RPS26: variants seen among roughly 807,000 people sequenced by gnomAD.
RPS26 encodes small ribosomal subunit protein eS26.
A neutral mutation model predicts 14.7 loss-of-function variants in RPS26; 1 was observed. The observed-to-expected ratio is 0.07, with a 90% CI of 0.02 to 0.32. The LOEUF (loss-of-function observed/expected upper bound fraction) is 0.32, where lower values mean the gene tolerates loss of function less well. RPS26 is among the 10% of genes least tolerant of loss of function. RPS26 has a pLI of 1.00. For missense variants in RPS26, 63 were observed against 157.7 expected (o/e 0.40, Z 3.22); for synonymous variants, 59 against 53.1 (o/e 1.11, Z -0.48).
chr12:56,042,266 T>G, intron 1 of RPS26, 97 bp downstream of exon 1: 1 of 1,551,966 alleles, frequency 6.4e-7, no homozygotes, highest in South Asian at 1.1e-5. Context: ...GTGGACCGAG[T>G]GTACATTTCA....
At position 56,044,413 on chromosome 12, in the gene RPS26, A is replaced by C; in HGVS notation, c.*259A>C. 1 of 415,430 alleles carries C rather than the reference A, an allele frequency of 2.4e-6. No individual in the cohort carries two copies. The highest frequency in any genetic ancestry group is 4.1e-6 in the Non-Finnish European group (1 of 241,774). 25.7% of individuals were successfully genotyped at this position (415,430 alleles called of 1,614,324 possible). Reference sequence around the variant, plus strand: ...AGCTGAATTGCAGTGGCGTGATCTCAGCTCACTGCAACCTCCGTCTCCCGG... The same window carrying C: ...AGCTGAATTGCAGTGGCGTGATCTCCGCTCACTGCAACCTCCGTCTCCCGG... On this transcript the variant is annotated 3_prime_UTR_variant, in exon 4 of 4. Coordinates refer to ENST00000646449, the MANE Select transcript of RPS26 (RefSeq NM_001029.5).
At chr12:56,042,714 G>T in intron 2 of RPS26, 112 bp downstream of exon 2, 1 of 873,326 alleles carries the variant, frequency 1.1e-6, no homozygotes, top group East Asian at 2.4e-5. Flanking sequence ...CAATTTCCAC[G>T]TATTTAAGGT....
chr12:56,043,248 C>T (rs1895914421), intron 2 of RPS26, 115 bp from the exon 3 acceptor site: 1 of 1,027,232 alleles, frequency 9.7e-7, no homozygotes, highest in Non-Finnish European at 1.5e-6. Flanking sequence ...GCCCGACAGG[C>T]ATTTAAATAG....
intron 3 of RPS26, among the ~76,000 whole-genome samples, chr12:56,043,774 T>TG (rs1259467832): frequency 6.6e-6 from 1 of 151,680 alleles, no homozygotes; most frequent in Non-Finnish European, 1.5e-5. Flanking sequence ...TTATACCACT[T>TG]GCGCTCCAGC....
In RPS26 at chr12:56,042,143, C is replaced by G. The variant is rs372979323; in HGVS notation, c.-24C>G. Reference sequence around the variant, plus strand: ...GGAGGGCCCTGCCAGGCACCGTCTCCTCTCTCCGGTCCGTGCCTCCAAGAT... The same window carrying G: ...GGAGGGCCCTGCCAGGCACCGTCTCGTCTCTCCGGTCCGTGCCTCCAAGAT... On this transcript the variant is annotated 5_prime_UTR_variant, in exon 1 of 4. Transcript: ENST00000646449. 6.2e-7 allele frequency: 1 copy of G among 1,613,950 alleles called. No homozygotes were observed. The highest frequency in any genetic ancestry group is 8.5e-7 in the Non-Finnish European group (1 of 1,179,856).
Position 56,044,292 on chromosome 12 carries a change from A to G in RPS26, c.*138A>G, listed in dbSNP as rs1441740070. ...TGTGTGTTAGACCAAGTGTGAAGTG[A>G]CACACATTATTTTCATGGGGAAGAA... is the stretch of plus-strand genomic sequence containing the variant. On this transcript the variant is annotated 3_prime_UTR_variant, in exon 4 of 4. Coordinates refer to ENST00000646449, the MANE Select transcript of RPS26 (RefSeq NM_001029.5). 4.5e-6 allele frequency: 3 copies of G among 671,784 alleles called. No individual in the cohort carries two copies. Among genetic ancestry groups the G allele is most frequent in the East Asian group, 2.7e-5 (1 of 37,284 alleles). The allele number at this position is 671,784 out of a possible 1,614,324, so 41.6% of individuals were successfully genotyped here. A position where few individuals can be genotyped will look rare whatever the true frequency, so the allele number is the denominator to read the frequency against.
chr12:56,042,695 C>A, intron 2 of RPS26, 93 bp downstream of exon 2: 1 of 992,194 alleles, frequency 1.0e-6, no homozygotes, highest in Non-Finnish European at 1.6e-6. Flanking sequence ...TTCTTTGGAG[C>A]CTCTCAGGCA....
At chr12:56,042,990 T>A (rs1895910615) in intron 2 of RPS26, 8 of 404,718 alleles carry the variant, frequency 2.0e-5, no homozygotes, top group Non-Finnish European at 3.2e-5. Flanking sequence ...AAGGATGATG[T>A]TTGGAGCAAT....
Position 56,042,185 on chromosome 12 carries a change from TG to T in RPS26, c.3+18del. 1.2e-6 allele frequency: 2 copies of T among 1,613,770 alleles called. No individual in the cohort carries two copies. The highest frequency in any genetic ancestry group is 1.7e-6 in the Non-Finnish European group (2 of 1,179,906). On this transcript the variant is annotated intron_variant, in intron 1 of 3. Transcript: ENST00000646449. ...CTCCAAGATGGTGAGTCTTCTTGCG[TG>T]GTGAGGGTGGGGGTTCGGGTGCAGA...
intron 2 of RPS26, 110 bp from the exon 3 acceptor site, chr12:56,043,253 A>T: frequency 1.8e-6 from 2 of 1,099,422 alleles, no homozygotes; most frequent in Non-Finnish European, 2.8e-6. Context: ...ACAGGCATTT[A>T]AATAGGTTTA....
In RPS26 at chr12:56,042,122, G is replaced by A. The variant is rs1895891420; in HGVS notation, c.-45G>A. 1.2e-6 allele frequency: 2 copies of A among 1,609,724 alleles called. No homozygotes were observed. Among genetic ancestry groups the A allele is most frequent in the Non-Finnish European group, 1.7e-6 (2 of 1,175,994 alleles). On this transcript the variant is annotated 5_prime_UTR_variant, in exon 1 of 4. Coordinates refer to ENST00000646449, the MANE Select transcript of RPS26 (RefSeq NM_001029.5). ...GTAGGGATCTCATGCTATATAGGAG[G>A]GCCCTGCCAGGCACCGTCTCCTCTC... is the stretch of plus-strand genomic sequence containing the variant.
In RPS26 at chr12:56,044,432, C is replaced by T; in HGVS notation, c.*278C>T. 2.7e-6 allele frequency: 1 copy of T among 372,768 alleles called. No individual in the cohort carries two copies. Among genetic ancestry groups the T allele is most frequent in the South Asian group, 3.0e-5 (1 of 33,182 alleles). 23.1% of individuals were successfully genotyped at this position (372,768 alleles called of 1,614,324 possible). A position where few individuals can be genotyped will look rare whatever the true frequency, so the allele number is the denominator to read the frequency against. On this transcript the variant is annotated 3_prime_UTR_variant, in exon 4 of 4. Transcript: ENST00000646449. Reference sequence around the variant, plus strand: ...GATCTCAGCTCACTGCAACCTCCGTCTCCCGGGTTCAAGTGATTCTCCTGC... The same window carrying T: ...GATCTCAGCTCACTGCAACCTCCGTTTCCCGGGTTCAAGTGATTCTCCTGC...
intron 1 of RPS26, 51 bp from the exon 2 acceptor site, chr12:56,042,374 A>AG: frequency 6.3e-7 from 1 of 1,589,354 alleles, no homozygotes; most frequent in African/African-American, 1.3e-5. Flanking sequence ...AAAGGGACTG[A>AG]GGCTGGGTGA....
chr12:56,042,330 C>T (rs1275244587), intron 1 of RPS26, 95 bp from the exon 2 acceptor site: 12 of 1,537,042 alleles, frequency 7.8e-6, no homozygotes, highest in African/African-American at 2.7e-5. Flanking sequence ...CGAGCGGCGC[C>T]TTCCTGGAGG....
rs1192007587 is a variant in RPS26 at position 56,043,465 on chromosome 12, G to C, written c.284G>C (p.Arg95Pro). ...CGATCTCGTGAAGCCCGCAAGGACC[G>C]AACACCCCCACCCCGATTTAGACCT... ...RNRSREARKD[R>P]TPPPRFRPAG... Residue 95 changes from arginine to proline, a missense_variant, in exon 3 of 4, where the codon CGA becomes CCA. Transcript: ENST00000646449. The C allele has an allele frequency of 6.2e-7, 1 of 1,613,610 alleles. No homozygotes were observed. Among genetic ancestry groups the C allele is most frequent in the South Asian group, 1.1e-5 (1 of 91,058 alleles).
rs1385648407 is a variant in RPS26, at chr12:56,042,054, C to T, written c.-113C>T. The T allele has an allele frequency of 1.4e-5, 15 of 1,080,666 alleles. 1 individual carries two copies. The Admixed American group carries it at 1.6e-4, about 11-fold the overall frequency. The allele number at this position is 1,080,666 out of a possible 1,614,324, so 66.9% of individuals were successfully genotyped here. A position where few individuals can be genotyped will look rare whatever the true frequency, so the allele number is the denominator to read the frequency against. The stretch of plus-strand genomic sequence containing the variant: ...AGGAATATTTGAGTAAAGTGAGTTG[C>T]CGTTCTTGAAGCCCGTCTCCTAAGG... On this transcript the variant is annotated 5_prime_UTR_variant, in exon 1 of 4. Coordinates refer to ENST00000646449, the MANE Select transcript of RPS26 (RefSeq NM_001029.5).
chr12:56,042,916 A>G, intron 2 of RPS26: 1 of 466,692 alleles, frequency 2.1e-6, no homozygotes, highest in East Asian at 4.4e-5. Flanking sequence ...TATTTGTGAA[A>G]ATATACAGGT....
chr12:56,042,541 C>T lies in RPS26; in HGVS notation c.120C>T (p.Val40=), dbSNP rs758822687. The T allele has an allele frequency of 9.4e-6, 15 of 1,600,604 alleles. No individual in the cohort carries two copies. The highest frequency in any genetic ancestry group is 1.3e-5 in the Non-Finnish European group (15 of 1,178,888). ...VPKDKAIKKF[V]IRNIVEAAAV... is the part of the protein sequence containing the mutation. ...AGGACAAGGCCATTAAGAAATTCGT[C>T]ATTCGAAACATAGTGGAGGCCGCAG... The change falls in exon 2 of 4, where the codon GTC becomes GTT. Residue 40 remains valine (V), a synonymous_variant. Coordinates refer to ENST00000646449, the MANE Select transcript of RPS26 (RefSeq NM_001029.5).
chr12:56,043,337 G>C (rs754873131), intron 2 of RPS26, 26 bp from the exon 3 acceptor site: 2 of 1,607,404 alleles, frequency 1.2e-6, no homozygotes, highest in Non-Finnish European at 1.7e-6. Context: ...TATAATACCA[G>C]TATAACTCTA....
Sources: allele counts gnomAD v4.1 joint callset (sites outside exome capture counted in the v4.1 genomes callset), GRCh38; gene constraint gnomAD v4.1.1; transcripts MANE v1.5; gene names NCBI Gene and HGNC (gene_info 2026-07-23, HGNC 2026-07-21).